The following GALNT12 variants were observed in gnomAD, a reference collection of about 807,000 sequenced individuals.
GALNT12 encodes the protein UDP-GalNAc:polypeptide N-acetylgalactosaminyltransferase 12.
GALNT12 carries 45 observed loss-of-function variants against 55.5 expected under a neutral mutation model. The observed-to-expected ratio is 0.81, with a 90% CI of 0.64 to 1.04. The LOEUF is 1.04. GALNT12 is among the 50% of genes least tolerant of loss of function. The pLI, the probability that GALNT12 is intolerant of heterozygous loss-of-function variation, is 0.00. For missense variants in GALNT12, 709 were observed against 754.8 expected, an observed-to-expected ratio of 0.94 and a Z score of 0.71; for synonymous variants, 304 against 312.2, an observed-to-expected ratio of 0.97 and a Z score of 0.28.
chr9:98,808,267 A>T (rs1050084696), intron 1 of GALNT12, among the ~76,000 whole-genome samples, 198 bp downstream of exon 1: 1 of 152,152 alleles, frequency 6.6e-6, no homozygotes, highest in Non-Finnish European at 1.5e-5. Flanking sequence ...TAGAAAAAAA[A>T]TTACCAGAAA....
intron 3 of GALNT12, among the ~76,000 whole-genome samples, chr9:98,829,379 G>A (rs1835941827): frequency 1.3e-5 from 2 of 151,500 alleles, no homozygotes; most frequent in East Asian, 2.0e-4. Context: ...AGTAGAGATG[G>A]GGTTTCACCA....
At chr9:98,836,283 C>T (rs1386046514) in intron 5 of GALNT12, among the ~76,000 whole-genome samples, 1 of 152,164 alleles carries the variant, frequency 6.6e-6, no homozygotes, top group Admixed American at 6.5e-5. Context: ...AATGTTGGTG[C>T]TTTTCAGTGG....
intron 1 of GALNT12, among the ~76,000 whole-genome samples, chr9:98,810,981 G>C (rs947835345): frequency 3.9e-5 from 6 of 152,210 alleles, no homozygotes; most frequent in African/African-American, 1.4e-4. Context: ...TTTACTCTGA[G>C]ATGATAGCGG....
chr9:98,835,440 AG>A (rs757004578), intron 5 of GALNT12, 74 bp downstream of exon 5: 492 of 933,470 alleles, frequency 5.3e-4, no homozygotes, highest in Non-Finnish European at 8.3e-4. Context: ...ATTTGCTGTA[AG>A]AGCCTGGTGG....
At chr9:98,838,462 C>T (rs1836209035) in intron 6 of GALNT12, among the ~76,000 whole-genome samples, 1 of 152,228 alleles carries the variant, frequency 6.6e-6, no homozygotes, top group Non-Finnish European at 1.5e-5. Context: ...CTGGCCCATC[C>T]ACCCACTGCA....
At chr9:98,826,708 C>T (rs562611124) in intron 2 of GALNT12, 44 bp from the exon 3 acceptor site, 16 of 1,586,624 alleles carry the variant, frequency 1.0e-5, no homozygotes, top group African/African-American at 4.0e-5. Flanking sequence ...GGCGCTCCTC[C>T]GAGATTGTCA....
At chr9:98,839,854 T>C in intron 6 of GALNT12, 148 bp from the exon 7 acceptor site, 1 of 940,124 alleles carries the variant, frequency 1.1e-6, no homozygotes, top group South Asian at 1.3e-5. Context: ...GGATGTTTTC[T>C]ATCCTCTGTG....
At chr9:98,809,678 C>T (rs1835451500) in intron 1 of GALNT12, among the ~76,000 whole-genome samples, 2 of 152,228 alleles carry the variant, frequency 1.3e-5, no homozygotes. Flanking sequence ...GTGCTTAAAT[C>T]TTAGTTTTTT....
intron 1 of GALNT12, among the ~76,000 whole-genome samples, chr9:98,817,965 C>G (rs1835651302): frequency 6.6e-6 from 1 of 152,034 alleles, no homozygotes; most frequent in Admixed American, 6.5e-5. Flanking sequence ...TTATGACACA[C>G]CAGCATAACA....
At chr9:98,823,160 C>A in intron 1 of GALNT12, 96 bp from the exon 2 acceptor site, 1 of 1,114,886 alleles carries the variant, frequency 9.0e-7, no homozygotes, top group Non-Finnish European at 1.4e-6. Context: ...ATGTCCCCTT[C>A]CGCAGGGGAC....
chr9:98,827,075 G>C (rs965039940), intron 3 of GALNT12, 134 bp downstream of exon 3: 1 of 920,684 alleles, frequency 1.1e-6, no homozygotes, highest in African/African-American at 1.6e-5. Context: ...GGGCAGGAGA[G>C]CAGTCCCTGC....
rs185542201 is a variant in GALNT12, at chr9:98,811,948, G to T, written c.371+3879G>T. Among the ~76,000 whole-genome samples the T allele has an allele frequency of 1.4e-3, 211 of 152,302 alleles. 1 individual carries two copies. The highest frequency in any genetic ancestry group is 2.2e-3 in the Non-Finnish European group (148 of 68,024). On this transcript the variant is annotated intron_variant, in intron 1 of 9. Transcript: ENST00000375011. The stretch of plus-strand genomic sequence containing the variant: ...TCTGCCCGTGTTGGCCTCCCAAAGT[G>T]CTGGGATTATAGGCGTGAGCCACCA...
At chr9:98,818,005 C>T (rs188704991) in intron 1 of GALNT12, among the ~76,000 whole-genome samples, 3 of 152,114 alleles carry the variant, frequency 2.0e-5, no homozygotes, top group African/African-American at 7.2e-5. Flanking sequence ...CCTAGATCCA[C>T]CCATTATTGT....
In GALNT12 at chr9:98,807,880, G is replaced by A. The variant is rs1835411988; in HGVS notation, c.182G>A (p.Arg61His). ...CCGCGCACCCCGCGCCCCGGGCGGC[G>A]CGAGCCGGTCATGCCGCGGCCGCCG... ...GPPRTPRPGRREPVMPRPPVP... is the reference protein window; with the variant it reads ...GPPRTPRPGRHEPVMPRPPVP... Residue 61 changes from arginine (R) to histidine (H), a missense_variant, in exon 1 of 10, where the codon CGC becomes CAC. Physicochemically the swap from Arg to His is conservative, Grantham distance 29. Transcript: ENST00000375011. 4 of 1,061,948 alleles carry A rather than the reference G, an allele frequency of 3.8e-6. No individual in the cohort carries two copies. Among genetic ancestry groups the A allele is most frequent in the Admixed American group, 1.1e-4 (2 of 18,224 alleles). The allele number at this position is 1,061,948 out of a possible 1,614,324, so 65.8% of individuals were successfully genotyped here.
intron 8 of GALNT12, 153 bp downstream of exon 8, chr9:98,844,362 T>A: frequency 1.5e-6 from 1 of 650,422 alleles, no homozygotes; most frequent in South Asian, 1.8e-5. Context: ...AAAATTAAAA[T>A]GTGTTTTCTT....
In GALNT12 at chr9:98,846,008, G is replaced by A. The variant is rs200112438; in HGVS notation, c.1490G>A (p.Arg497His). 8.7e-6 allele frequency: 14 copies of A among 1,614,118 alleles called. No homozygotes were observed. Among genetic ancestry groups the A allele is most frequent in the East Asian group, 2.2e-5 (1 of 44,884 alleles). ...FFEYTSQKEI[R>H]YNTHQPEGCI... ...GAGTACACGTCCCAGAAAGAAATAC[G>A]CTATAACACCCACCAGCCTGAGGGC... Residue 497 changes from arginine to histidine, a missense_variant, in exon 9 of 10, where the codon CGC (arginine) becomes CAC (histidine). Arg to His is a conservative substitution (Grantham distance 29). Around this residue, in one of 5 missense-constraint regions of GALNT12, gnomAD observed 262 missense variants for 310.7 expected, o/e 0.84. Transcript: ENST00000375011.
intron 2 of GALNT12, among the ~76,000 whole-genome samples, chr9:98,823,642 C>A (rs375968628): frequency 4.6e-5 from 7 of 152,294 alleles, no homozygotes; most frequent in Admixed American, 2.6e-4. Flanking sequence ...TGGGACTGTT[C>A]ATTTCATTGG....
rs752104260 is a variant in GALNT12, at chr9:98,840,039, G to T, written c.1250G>T (p.Arg417Leu). Residue 417 changes from arginine (R) to leucine (L), a missense_variant, in exon 7 of 10, where the codon CGG becomes CTG. Physicochemically the swap from Arg to Leu is moderately radical, Grantham distance 102. Around this residue, in one of 5 missense-constraint regions of GALNT12, gnomAD observed 262 missense variants for 310.7 expected, o/e 0.84. Transcript: ENST00000375011. The stretch of plus-strand genomic sequence containing the variant: ...GATGTGACAGAGAGGAAGCAGCTCC[G>T]GGACAAGCTCCAGTGTAAAGACTTC... ...FGDVTERKQL[R>L]DKLQCKDFKW... 6.2e-7 allele frequency: 1 copy of T among 1,614,124 alleles called. No individual in the cohort carries two copies.
intron 1 of GALNT12, among the ~76,000 whole-genome samples, chr9:98,819,694 G>A (rs1835694637): frequency 6.6e-6 from 1 of 152,222 alleles, no homozygotes; most frequent in South Asian, 2.1e-4. Flanking sequence ...CCTGGACCCC[G>A]AGAAGGAGAA....
Sources: gnomAD v4.1 joint callset for allele counts (sites outside exome capture counted in the v4.1 genomes callset) on GRCh38, gnomAD v4.1.1 for gene constraint, gnomAD v4.1.1 regional missense constraint, MANE v1.5 for transcripts, NCBI Gene and HGNC (gene_info 2026-07-23, HGNC 2026-07-21) for gene names.